TBX4: variants seen among roughly 807,000 people sequenced by gnomAD.
TBX4 encodes T-box transcription factor 4.
A neutral mutation model predicts 54.6 loss-of-function variants in TBX4; 13 were observed. The observed-to-expected ratio is 0.24, with a 90% CI of 0.15 to 0.38. TBX4 has a LOEUF of 0.38. TBX4 is among the 10% of genes least tolerant of loss of function. The pLI, the probability that TBX4 is intolerant of heterozygous loss-of-function variation, is 1.00. For missense variants in TBX4, 631 were observed against 728.5 expected (o/e 0.87, Z 1.54); for synonymous variants, 314 against 306.7 (o/e 1.02, Z -0.25).
rs1226002547 is a variant in TBX4 at position 61,481,099 on chromosome 17, A to AT, written c.1021+781dup. On this transcript the variant is annotated intron_variant, in intron 8 of 8. Transcript: ENST00000644296. The surrounding 1 kb of genome is among the most constrained non-coding windows in gnomAD (Gnocchi z 4.8). Reference sequence around the variant, plus strand: ...GGGACTAGCCCAGCAGAGCTCCGAGATCCCCTGTACAAGTCTCATTAGAAC... The same window carrying AT: ...GGGACTAGCCCAGCAGAGCTCCGAGATTCCCCTGTACAAGTCTCATTAGAAC... Among the ~76,000 whole-genome samples, 17 of 152,332 alleles carry AT rather than the reference A, an allele frequency of 1.1e-4. No homozygotes were observed. Among genetic ancestry groups the AT allele is most frequent in the African/African-American group, 4.1e-4 (17 of 41,582 alleles).
In TBX4 at chr17:61,478,481, G is replaced by T; in HGVS notation, c.550-146G>T. The T allele has an allele frequency of 1.8e-6, 2 of 1,085,900 alleles. No individual in the cohort carries two copies. The highest frequency in any genetic ancestry group is 1.4e-5 in the South Asian group (1 of 73,940). The allele number at this position is 1,085,900 out of a possible 1,614,324, so 67.3% of individuals were successfully genotyped here. A position where few individuals can be genotyped will look rare whatever the true frequency, so the allele number is the denominator to read the frequency against. On this transcript the variant is annotated intron_variant, in intron 5 of 8. Transcript: ENST00000644296. The surrounding 1 kb of genome is among the most constrained non-coding windows in gnomAD (Gnocchi z 7.4). ...GGCCCAGGGGCCTGGTTCTTCACTT[G>T]GGAGCTCCAGTCCTGGTCGGTAGGC...
At position 61,464,777 on chromosome 17, in the gene TBX4, T is replaced by C. The variant is rs2060523207; in HGVS notation, c.282-1042T>C. Reference sequence around the variant, plus strand: ...GAGCGTTTGTGTATGCGCTGTGCTGTTGTGTGTGCGTATGTGCTGAGGGGT... The same window carrying C: ...GAGCGTTTGTGTATGCGCTGTGCTGCTGTGTGTGCGTATGTGCTGAGGGGT... On this transcript the variant is annotated intron_variant, in intron 3 of 8. Coordinates refer to ENST00000644296, the MANE Select transcript of TBX4 (RefSeq NM_001321120.2). The surrounding 1 kb of genome is among the most constrained non-coding windows in gnomAD (Gnocchi z 5.8). Among the ~76,000 whole-genome samples, 1 of 152,076 alleles carries C rather than the reference T, an allele frequency of 6.6e-6. No homozygotes were observed. The highest frequency in any genetic ancestry group is 1.5e-5 in the Non-Finnish European group (1 of 67,988).
At chr17:61,455,105 T>A (rs2060437120) in intron 1 of TBX4, among the ~76,000 whole-genome samples, 2 of 152,220 alleles carry the variant, frequency 1.3e-5, no homozygotes. Flanking sequence ...GGCCGAAGAC[T>A]GGTCCGCCTG....
chr17:61,467,088 A>T (rs1359878289), intron 4 of TBX4, among the ~76,000 whole-genome samples: 1 of 152,110 alleles, frequency 6.6e-6, no homozygotes, highest in Non-Finnish European at 1.5e-5. Context: ...GAGCCCAGGA[A>T]TTGGAGGCTG....
rs573956677 is a variant in TBX4, at chr17:61,481,637, C to G, written c.1022-1260C>G. ...GGCAGAGGAGAGAGGTGAGCAGAGG[C>G]CTTCACACCCATTTAGCCCCTCTGC... On this transcript the variant is annotated intron_variant, in intron 8 of 8. Transcript: ENST00000644296. This position sits in a 1 kb window ranked among gnomAD's most constrained non-coding sequence, Gnocchi z 4.8. Among the ~76,000 whole-genome samples the G allele has an allele frequency of 7.1e-4, 108 of 152,300 alleles. 1 individual carries two copies. In the Middle Eastern group the frequency reaches 0.017, roughly 24 times the overall value.
At chr17:61,453,090 A>T in intron 1 of TBX4, 1 of 778,616 alleles carries the variant, frequency 1.3e-6, no homozygotes, top group Non-Finnish European at 1.6e-6. Flanking sequence ...ATTAAAGATT[A>T]TTGGAATGTG....
chr17:61,456,609 G>T lies in TBX4; in HGVS notation c.119G>T (p.Ser40Ile). 6.7e-7 allele frequency: 1 copy of T among 1,483,024 alleles called. No individual in the cohort carries two copies. Among genetic ancestry groups the T allele is most frequent in the Non-Finnish European group, 8.9e-7 (1 of 1,118,428 alleles). 91.9% of individuals were successfully genotyped at this position (1,483,024 alleles called of 1,614,324 possible). The change falls in exon 2 of 9, where the codon AGC becomes ATC. Residue 40 changes from serine (S) to isoleucine (I), a missense_variant. By Grantham distance (142) the Ser-to-Ile change is moderately radical. Around this residue, in one of 3 missense-constraint regions of TBX4, gnomAD observed 123 missense variants for 120.9 expected, o/e 1.02. Transcript: ENST00000644296. Reference protein sequence around the residue: ...PEPALAAPGLSGAALGSPPGP... With the variant: ...PEPALAAPGLIGAALGSPPGP... ...CCCGCGCTGGCAGCGCCGGGCCTCA[G>T]CGGAGCCGCGCTAGGCAGCCCCCCG...
chr17:61,459,825 A>G lies in TBX4; in HGVS notation c.281+2194A>G, dbSNP rs373385009. Among the ~76,000 whole-genome samples, 6 of 152,294 alleles carry G rather than the reference A, an allele frequency of 3.9e-5. No individual in the cohort carries two copies. In the East Asian group the frequency reaches 9.7e-4, roughly 25 times the overall value. The stretch of plus-strand genomic sequence containing the variant: ...TTGCACTGGGTCTGGTTCTTAAGAA[A>G]ATCACTAGTCTCATGCCCCCAACCC... On this transcript the variant is annotated intron_variant, in intron 3 of 8. Coordinates refer to ENST00000644296, the MANE Select transcript of TBX4 (RefSeq NM_001321120.2). This position sits in a 1 kb window ranked among gnomAD's most constrained non-coding sequence, Gnocchi z 4.8.
intron 4 of TBX4, among the ~76,000 whole-genome samples, chr17:61,466,143 G>A (rs1485291535): frequency 1.3e-5 from 2 of 152,168 alleles, no homozygotes; most frequent in Middle Eastern, 3.2e-3. Flanking sequence ...GGCTGGGTTT[G>A]GGCTGAAAAG....
intron 5 of TBX4, 132 bp downstream of exon 5, chr17:61,467,789 A>G: frequency 1.2e-5 from 14 of 1,169,600 alleles, no homozygotes; most frequent in Non-Finnish European, 1.6e-5. Context: ...TGACCAGTTT[A>G]GGGAAGGAGC....
At chr17:61,468,661 G>A (rs537706707) in intron 5 of TBX4, among the ~76,000 whole-genome samples, 1 of 152,220 alleles carries the variant, frequency 6.6e-6, no homozygotes, top group Admixed American at 6.5e-5. Context: ...GTTCGCTTCT[G>A]AGTCATTGGT....
rs1489901111 is a variant in TBX4, at chr17:61,484,939, T to C, written c.*1423T>C. The C allele has an allele frequency of 1.9e-5, 2 of 102,808 alleles. No homozygotes were observed. The highest frequency in any genetic ancestry group is 3.9e-5 in the Non-Finnish European group (2 of 51,286). The allele number at this position is 102,808 out of a possible 1,614,324, so 6.4% of individuals were successfully genotyped here. A position where few individuals can be genotyped will look rare whatever the true frequency, so the allele number is the denominator to read the frequency against. On this transcript the variant is annotated 3_prime_UTR_variant, in exon 9 of 9. Transcript: ENST00000644296. This position sits in a 1 kb window ranked among gnomAD's most constrained non-coding sequence, Gnocchi z 4.1. ...CTAAGAATGGTTTAGATAAAACATA[T>C]AAATAAATATATATATATATATATA...
Position 61,465,372 on chromosome 17 carries a change from T to C in TBX4, c.282-447T>C, listed in dbSNP as rs1189418475. ...TGGAAGCAGCTGACGGGGGTTTCCG[T>C]CCCCCTATAACTGCACCCCAGAACT... On this transcript the variant is annotated intron_variant, in intron 3 of 8. Coordinates refer to ENST00000644296, the MANE Select transcript of TBX4 (RefSeq NM_001321120.2). This position sits in a 1 kb window ranked among gnomAD's most constrained non-coding sequence, Gnocchi z 4.9. 6.6e-6 allele frequency among the ~76,000 whole-genome samples: 1 copy of C among 152,022 alleles called. No individual in the cohort carries two copies. The highest frequency in any genetic ancestry group is 1.9e-4 in the East Asian group (1 of 5,196).
chr17:61,482,923 C>T lies in TBX4; in HGVS notation c.1048C>T (p.Pro350Ser). ...RADGTRHLDLPCKRSYLEAPS... is the reference protein window; with the variant it reads ...RADGTRHLDLSCKRSYLEAPS... ...AGACGGTACCCGCCACCTGGACTTA[C>T]CTTGCAAGCGATCCTATCTGGAAGC... The change falls in exon 9 of 9, where the codon CCT becomes TCT. Residue 350 changes from proline to serine, a missense_variant. Around this residue, in one of 3 missense-constraint regions of TBX4, gnomAD observed 354 missense variants for 368.9 expected, o/e 0.96. Coordinates refer to ENST00000644296, the MANE Select transcript of TBX4 (RefSeq NM_001321120.2). 6.2e-7 allele frequency: 1 copy of T among 1,613,852 alleles called. No homozygotes were observed. The highest frequency in any genetic ancestry group is 8.5e-7 in the Non-Finnish European group (1 of 1,179,908).
At position 61,459,047 on chromosome 17, in the gene TBX4, G is replaced by A. The variant is rs1405200973; in HGVS notation, c.281+1416G>A. Among the ~76,000 whole-genome samples, 2 of 152,250 alleles carry A rather than the reference G, an allele frequency of 1.3e-5. No individual in the cohort carries two copies. Among genetic ancestry groups the A allele is most frequent in the Non-Finnish European group, 2.9e-5 (2 of 68,048 alleles). ...CAGGGAGGTGGCATCACCACTCAGG[G>A]CCTCTATCAGGAGAGAAAGTAGGTT... On this transcript the variant is annotated intron_variant, in intron 3 of 8. Transcript: ENST00000644296. The surrounding 1 kb of genome is among the most constrained non-coding windows in gnomAD (Gnocchi z 4.8).
At chr17:61,452,932 A>G in intron 1 of TBX4, 2 of 985,456 alleles carry the variant, frequency 2.0e-6, no homozygotes, top group Non-Finnish European at 2.4e-6. Context: ...TGTTTGCAGA[A>G]TATGCAAGGC....
At chr17:61,456,407 C>T in intron 1 of TBX4, 81 bp from the exon 2 acceptor site, 1 of 1,526,002 alleles carries the variant, frequency 6.6e-7, no homozygotes, top group Non-Finnish European at 8.9e-7. Context: ...GCACGAAGTC[C>T]CGGAATCGGC....
rs1317985844 is a variant in TBX4 at position 61,464,481 on chromosome 17, T to G, written c.282-1338T>G. ...TGTTTGTGGCATCTTGGACAGCTTC[T>G]CCAGGGTCCCGTACTGTCTTGGGTT... is the stretch of plus-strand genomic sequence containing the variant. On this transcript the variant is annotated intron_variant, in intron 3 of 8. Transcript: ENST00000644296. The surrounding 1 kb of genome is among the most constrained non-coding windows in gnomAD (Gnocchi z 5.8). 1.3e-5 allele frequency: 2 copies of G among 152,432 alleles called. No homozygotes were observed. Among genetic ancestry groups the G allele is most frequent in the South Asian group, 4.1e-4 (2 of 4,824 alleles). The allele number at this position is 152,432 out of a possible 1,614,324, so 9.4% of individuals were successfully genotyped here. A position where few individuals can be genotyped will look rare whatever the true frequency, so the allele number is the denominator to read the frequency against.
At chr17:61,455,001 C>T (rs906445267) in intron 1 of TBX4, among the ~76,000 whole-genome samples, 3 of 152,180 alleles carry the variant, frequency 2.0e-5, no homozygotes, top group Non-Finnish European at 4.4e-5. Flanking sequence ...TGTGGGGACT[C>T]CTAGGTTTCC....
Sources: gnomAD v4.1 joint callset for allele counts (sites outside exome capture counted in the v4.1 genomes callset) on GRCh38, gnomAD v4.1.1 for gene constraint, gnomAD v4.1.1 regional missense constraint, Gnocchi (gnomAD v3.1) non-coding constraint, MANE v1.5 for transcripts, NCBI Gene and HGNC (gene_info 2026-07-23, HGNC 2026-07-21) for gene names.